Variants in GRID1 observed in about 807,000 individuals in gnomAD.
GRID1 encodes glutamate receptor ionotropic, delta-1.
In GRID1, 28 loss-of-function variants were observed where a neutral mutation model predicts 98.0. The observed-to-expected ratio is 0.29, with a 90% confidence interval of 0.21 to 0.39. The LOEUF is 0.39. GRID1 is among the 10% of genes least tolerant of loss of function. The pLI is 1.00. For missense variants in GRID1, 1,111 were observed against 1,340.5 expected (o/e 0.83, Z 2.67); for synonymous variants, 553 against 538.5 (o/e 1.03, Z -0.37).
intron 5 of GRID1, among the ~76,000 whole-genome samples, chr10:85,911,990 T>C (rs182313879): frequency 1.5e-3 from 227 of 152,344 alleles, no homozygotes; most frequent in African/African-American, 5.3e-3. Context: ...ACTCAGGACT[T>C]AATTGTTGCC....
intron 13 of GRID1, among the ~76,000 whole-genome samples, chr10:85,641,046 T>C (rs1203820734): frequency 6.6e-6 from 1 of 152,230 alleles, no homozygotes; most frequent in Non-Finnish European, 1.5e-5. Flanking sequence ...GCTGTGAAGA[T>C]TGACATTTAA....
rs11202000 is a variant in GRID1, at chr10:86,366,299, T to G, written c.79+15A>C. 0.96 allele frequency: 1,419,212 copies of G among 1,483,534 alleles called. 679,443 individuals are homozygous for G. Among genetic ancestry groups the G allele is most frequent in the East Asian group, 1 (33,913 of 33,952 alleles). The allele number at this position is 1,483,534 out of a possible 1,614,324, so 91.9% of individuals were successfully genotyped here. Reference sequence around the variant, plus strand: ...GCCCCCGCCCAGCCTCGGCCCGGCCTCCAGCCGCGCTTACCGATGTGGATG... The same window carrying G: ...GCCCCCGCCCAGCCTCGGCCCGGCCGCCAGCCGCGCTTACCGATGTGGATG... On this transcript the variant is annotated intron_variant, in intron 1 of 15. Transcript: ENST00000327946. The surrounding 1 kb of genome is among the most constrained non-coding windows in gnomAD (Gnocchi z 4.1).
Position 86,048,426 on chromosome 10 carries a change from C to T in GRID1, c.726+90393G>A, listed in dbSNP as rs575700106. Among the ~76,000 whole-genome samples, 9 of 152,312 alleles carry T rather than the reference C, an allele frequency of 5.9e-5. No homozygotes were observed. The East Asian group carries it at 1.3e-3, about 23-fold the overall frequency. ...TCTAAGAGAAGAGGCACCAAAACTC[C>T]AATACCTGCAATTTAATATTCTAAG... is the stretch of plus-strand genomic sequence containing the variant. On this transcript the variant is annotated intron_variant, in intron 4 of 15. Coordinates refer to ENST00000327946, the MANE Select transcript of GRID1 (RefSeq NM_017551.3).
rs1842876314 is a variant in GRID1 at position 85,832,541 on chromosome 10, GA to G, written c.1233+21954del. 3.9e-5 allele frequency among the ~76,000 whole-genome samples: 6 copies of G among 152,116 alleles called. No homozygotes were observed. The South Asian group carries it at 1.2e-3, about 32-fold the overall frequency. ...AAAACCCATCAGTGTGAGAGTTTCT[GA>G]AGAAGATGATGTAGACTCATTTCTC... On this transcript the variant is annotated intron_variant, in intron 8 of 15. Transcript: ENST00000327946.
chr10:86,052,467 T>G (rs1033054358), intron 4 of GRID1: 1 of 152,242 alleles, frequency 6.6e-6, no homozygotes, highest in Non-Finnish European at 1.5e-5. Flanking sequence ...CCTACCACCC[T>G]GAACACGCCT....
chr10:85,755,317 T>C (rs570960476), intron 8 of GRID1, among the ~76,000 whole-genome samples: 1 of 152,378 alleles, frequency 6.6e-6, no homozygotes, highest in African/African-American at 2.4e-5. Flanking sequence ...TTCATTCAGC[T>C]GGAAGATCAA....
chr10:86,167,245 G>GT (rs1845413244), intron 3 of GRID1, among the ~76,000 whole-genome samples: 1 of 152,228 alleles, frequency 6.6e-6, no homozygotes, highest in Non-Finnish European at 1.5e-5. Context: ...ATCCAGTCAG[G>GT]AGGCCAAACC....
chr10:86,227,335 T>C (rs72841774), intron 2 of GRID1, among the ~76,000 whole-genome samples: 46,025 of 151,722 alleles, frequency 0.3, 7,422 homozygotes, highest in Non-Finnish European at 0.38. Flanking sequence ...AAGGCAGGGG[T>C]GGTGGAGAGC....
intron 8 of GRID1, among the ~76,000 whole-genome samples, chr10:85,824,694 C>A (rs1378056619): frequency 6.6e-6 from 1 of 152,092 alleles, no homozygotes; most frequent in Non-Finnish European, 1.5e-5. Context: ...CACCACCCCC[C>A]CACCACCAAC....
At chr10:86,299,742 A>G (rs754302994) in intron 2 of GRID1, among the ~76,000 whole-genome samples, 39 of 152,134 alleles carry the variant, frequency 2.6e-4, no homozygotes, top group Non-Finnish European at 5.1e-4. Context: ...AACACCAAGC[A>G]GAGTCAAGGG....
intron 12 of GRID1, among the ~76,000 whole-genome samples, chr10:85,672,097 A>G (rs1394474069): frequency 6.6e-6 from 1 of 152,240 alleles, no homozygotes; most frequent in Non-Finnish European, 1.5e-5. Context: ...CAGAAGATCT[A>G]GCTAAGATCA....
chr10:85,778,863 T>C (rs1450251157), intron 8 of GRID1, among the ~76,000 whole-genome samples: 1 of 151,996 alleles, frequency 6.6e-6, no homozygotes, highest in Non-Finnish European at 1.5e-5. Context: ...TTCTGCAAAA[T>C]GGGGCCAATA....
At chr10:85,956,216 G>A (rs560093760) in intron 4 of GRID1, among the ~76,000 whole-genome samples, 1 of 152,226 alleles carries the variant, frequency 6.6e-6, no homozygotes, top group East Asian at 1.9e-4. Flanking sequence ...GTAAGCCATG[G>A]TGTCAAACGG....
chr10:86,293,349 G>A (rs890764738), intron 2 of GRID1, among the ~76,000 whole-genome samples: 1 of 152,228 alleles, frequency 6.6e-6, no homozygotes, highest in African/African-American at 2.4e-5. Flanking sequence ...GACTTGAGGA[G>A]AAGGGCCCCC....
chr10:86,309,442 G>A (rs555973592), intron 2 of GRID1, among the ~76,000 whole-genome samples: 3 of 152,264 alleles, frequency 2.0e-5, no homozygotes, highest in African/African-American at 4.8e-5. Flanking sequence ...CCAAGAAAGC[G>A]GTCATACATA....
At chr10:86,015,531 T>C (rs1235882834) in intron 4 of GRID1, among the ~76,000 whole-genome samples, 1 of 152,242 alleles carries the variant, frequency 6.6e-6, no homozygotes, top group Non-Finnish European at 1.5e-5. Context: ...TAAGAGAATA[T>C]TGACACCATG....
chr10:85,889,395 C>A (rs1214856164), intron 5 of GRID1, among the ~76,000 whole-genome samples: 2 of 152,174 alleles, frequency 1.3e-5, no homozygotes, highest in Non-Finnish European at 2.9e-5. Flanking sequence ...TCTACGAGAT[C>A]AATATTTTTT....
chr10:85,922,054 T>C (rs1841712707), intron 4 of GRID1, among the ~76,000 whole-genome samples: 1 of 152,132 alleles, frequency 6.6e-6, no homozygotes, highest in South Asian at 2.1e-4. Flanking sequence ...TCAGCAGAGG[T>C]TAGATTTGAA....
chr10:86,058,237 G>A (rs1843601649), intron 4 of GRID1, among the ~76,000 whole-genome samples: 1 of 152,148 alleles, frequency 6.6e-6, no homozygotes. Flanking sequence ...GAACACTTGT[G>A]TGCAGAACAG....
Sources: allele counts gnomAD v4.1 joint callset (sites outside exome capture counted in the v4.1 genomes callset), GRCh38; gene constraint gnomAD v4.1.1; non-coding constraint Gnocchi (gnomAD v3.1); transcripts MANE v1.5; gene names NCBI Gene and HGNC (gene_info 2026-07-23, HGNC 2026-07-21).